The following BMP2K variants were observed in gnomAD, a reference collection of about 807,000 sequenced individuals.
BMP2K encodes BMP-2-inducible protein kinase.
BMP2K carries 74 observed loss-of-function variants against 116.0 expected under a neutral mutation model. The ratio of observed to expected loss-of-function variants is 0.64; its 90% CI spans 0.53 to 0.77. The LOEUF (loss-of-function observed/expected upper bound fraction) is 0.77. BMP2K is among the 30% of genes least tolerant of loss of function. BMP2K has a pLI of 0.00. For missense variants in BMP2K, 1,365 were observed against 1,403.6 expected (o/e 0.97, Z 0.44); for synonymous variants, 486 against 502.5 (o/e 0.97, Z 0.44).
intron 1 of BMP2K, among the ~76,000 whole-genome samples, 199 bp from the exon 2 acceptor site, chr4:78,825,838 A>G (rs543638257): frequency 1.3e-5 from 2 of 152,286 alleles, no homozygotes; most frequent in South Asian, 4.1e-4. Flanking sequence ...CGAGAAGCAT[A>G]TTTTCCTCTA....
intron 11 of BMP2K, 98 bp from the exon 12 acceptor site, chr4:78,871,752 A>G: frequency 1.5e-6 from 1 of 689,108 alleles, no homozygotes; most frequent in Non-Finnish European, 2.5e-6. Context: ...TGTTTGGACT[A>G]CTGATTTCTC....
chr4:78,909,774 T>C (rs1007487382), intron 15 of BMP2K, among the ~76,000 whole-genome samples: 7 of 152,178 alleles, frequency 4.6e-5, no homozygotes, highest in African/African-American at 1.7e-4. Flanking sequence ...ACAATTTATG[T>C]TTACTTACAA....
At chr4:78,859,007 A>G (rs1029728049) in intron 7 of BMP2K, among the ~76,000 whole-genome samples, 1 of 151,886 alleles carries the variant, frequency 6.6e-6, no homozygotes, top group Admixed American at 6.6e-5. Flanking sequence ...AACTCTGCCC[A>G]TATTTCTGAG....
chr4:78,872,329 T>TTTTTTTAA, intron 12 of BMP2K: 1 of 175,798 alleles, frequency 5.7e-6, no homozygotes, highest in Non-Finnish European at 9.2e-6. Flanking sequence ...TTTTTTTTTT[T>TTTTTTTAA]AACAGCAACC....
At position 78,861,474 on chromosome 4, in the gene BMP2K, CA is replaced by C; in HGVS notation, c.1067+10del. 2 of 1,596,282 alleles carry C rather than the reference CA, an allele frequency of 1.3e-6. No individual in the cohort carries two copies. Among genetic ancestry groups the C allele is most frequent in the South Asian group, 2.2e-5 (2 of 89,630 alleles). On this transcript the variant is annotated splice_region_variant and intron_variant, in intron 9 of 15. Coordinates refer to ENST00000502613, the MANE Select transcript of BMP2K (RefSeq NM_198892.2). The stretch of plus-strand genomic sequence containing the variant: ...AAAAGCCAAATAAAAGCCAGGTAGG[CA>C]AAACTATGCTGAAATTGAAAAGGCA...
At chr4:78,827,641 T>C (rs1729939304) in intron 2 of BMP2K, among the ~76,000 whole-genome samples, 1 of 152,208 alleles carries the variant, frequency 6.6e-6, no homozygotes. Flanking sequence ...TGTTCTACTT[T>C]AATGCACCCC....
At chr4:78,780,961 G>A (rs1336577040) in intron 1 of BMP2K, among the ~76,000 whole-genome samples, 1 of 152,166 alleles carries the variant, frequency 6.6e-6, no homozygotes, top group Non-Finnish European at 1.5e-5. Flanking sequence ...AGAAAGTTAG[G>A]TAAAAACAGA....
chr4:78,844,877 GTTAATTTTCA>G lies in BMP2K; in HGVS notation c.547-50_547-41del, dbSNP rs1730924172. 8 of 1,493,174 alleles carry G rather than the reference GTTAATTTTCA, an allele frequency of 5.4e-6. No homozygotes were observed. In the East Asian group the frequency reaches 1.8e-4, roughly 34 times the overall value. 92.5% of individuals were successfully genotyped at this position (1,493,174 alleles called of 1,614,324 possible). A position where few individuals can be genotyped will look rare whatever the true frequency, so the allele number is the denominator to read the frequency against. On this transcript the variant is annotated intron_variant, in intron 4 of 15. Transcript: ENST00000502613. ...CCATTTTTTACAAAGATTGTAAAAA[GTTAATTTTCA>G]CTTTGAAAATACTACTCATTATTGA...
At chr4:78,829,753 ATCTTTTCTTTTCTTT>A (rs775196460) in intron 2 of BMP2K, among the ~76,000 whole-genome samples, 23 of 122,098 alleles carry the variant, frequency 1.9e-4, no homozygotes, top group East Asian at 7.1e-4. Flanking sequence ...CATGGAAACA[ATCTTTTCTTTTCTTT>A]TCTTTTCTTT....
At position 78,911,793 on chromosome 4, in the gene BMP2K, C is replaced by T; in HGVS notation, c.3246C>T (p.His1082=). The change falls in exon 16 of 16, where the codon CAC becomes CAT. Residue 1082 remains histidine (H), a synonymous_variant. Transcript: ENST00000502613. The stretch of plus-strand genomic sequence containing the variant: ...TCCATTCTCCAGACCTGTCATGGCA[C>T]CCTCCACATCAGGGCCTGAGCGACA... ...KPFHSPDLSW[H]PPHQGLSDIR... 1 of 1,613,996 alleles carries T rather than the reference C, an allele frequency of 6.2e-7. No individual in the cohort carries two copies. Among genetic ancestry groups the T allele is most frequent in the Non-Finnish European group, 8.5e-7 (1 of 1,179,884 alleles).
At chr4:78,827,081 C>G (rs984253182) in intron 2 of BMP2K, among the ~76,000 whole-genome samples, 2 of 152,152 alleles carry the variant, frequency 1.3e-5, no homozygotes, top group African/African-American at 4.8e-5. Flanking sequence ...CCATTTTAGA[C>G]CAATGTTTCA....
At chr4:78,908,768 TTGTG>T (rs779101059) in intron 15 of BMP2K, among the ~76,000 whole-genome samples, 4 of 152,210 alleles carry the variant, frequency 2.6e-5, no homozygotes, top group Non-Finnish European at 5.9e-5. Flanking sequence ...TCATTAAAAT[TTGTG>T]TGTGGGTACA....
At chr4:78,865,449 T>A in intron 9 of BMP2K, 108 bp from the exon 10 acceptor site, 1 of 1,011,602 alleles carries the variant, frequency 9.9e-7, no homozygotes, top group Non-Finnish European at 1.5e-6. Flanking sequence ...ACTAATGCGA[T>A]TATCAGTAAT....
At chr4:78,792,169 A>G (rs1036014347) in intron 1 of BMP2K, among the ~76,000 whole-genome samples, 13 of 152,238 alleles carry the variant, frequency 8.5e-5, no homozygotes, top group African/African-American at 3.1e-4. Context: ...AGAAATGTGC[A>G]GAACCTCTGT....
At chr4:78,909,682 C>T (rs940975849) in intron 15 of BMP2K, among the ~76,000 whole-genome samples, 3 of 152,202 alleles carry the variant, frequency 2.0e-5, no homozygotes, top group African/African-American at 7.2e-5. Context: ...TAACTGTCGT[C>T]TCCTTAGGGA....
At chr4:78,864,937 C>CTGCTTAT (rs1731970549) in intron 9 of BMP2K, among the ~76,000 whole-genome samples, 1 of 152,158 alleles carries the variant, frequency 6.6e-6, no homozygotes. Flanking sequence ...GATTTCAAAA[C>CTGCTTAT]TGTGTTTACT....
intron 1 of BMP2K, among the ~76,000 whole-genome samples, chr4:78,819,501 C>T (rs1729515196): frequency 6.6e-6 from 1 of 152,166 alleles, no homozygotes; most frequent in South Asian, 2.1e-4. Flanking sequence ...CTTATTATCT[C>T]TGCTGAAAGT....
At chr4:78,865,512 G>C (rs1195715461) in intron 9 of BMP2K, 45 bp from the exon 10 acceptor site, 3 of 1,564,898 alleles carry the variant, frequency 1.9e-6, no homozygotes, top group Non-Finnish European at 1.8e-6. Context: ...TAGTAAATTA[G>C]AAATAATCCC....
chr4:78,803,563 G>A (rs936151155), intron 1 of BMP2K, among the ~76,000 whole-genome samples: 3 of 151,986 alleles, frequency 2.0e-5, no homozygotes, highest in Admixed American at 6.6e-5. Context: ...ATTTTTAGTA[G>A]AGATGGGGTT....
Sources: allele counts gnomAD v4.1 joint callset (sites outside exome capture counted in the v4.1 genomes callset), GRCh38; gene constraint gnomAD v4.1.1; transcripts MANE v1.5; gene names NCBI Gene and HGNC (gene_info 2026-07-23, HGNC 2026-07-21).